The following NEBL variants were observed in gnomAD, a reference collection of about 807,000 sequenced individuals.
NEBL encodes the protein nebulette.
A neutral mutation model predicts 140.2 loss-of-function variants in NEBL; 122 were observed. The ratio of observed to expected loss-of-function variants is 0.87; its 90% confidence interval spans 0.75 to 1.01. NEBL has a LOEUF of 1.01. Among genes scored for constraint, NEBL ranks in the 50% least tolerant of loss-of-function variants. The probability of loss-of-function intolerance (pLI) is 0.00; values close to 1 mark genes in which losing one functional copy is unlikely to be tolerated. For missense variants in NEBL, 1,365 were observed against 1,231.3 expected, an observed-to-expected ratio of 1.11 and a Z score of -1.62; for synonymous variants, 436 against 398.9, an observed-to-expected ratio of 1.09 and a Z score of -1.11.
chr10:20,846,830 T>C (rs1275084824), intron 11 of NEBL, among the ~76,000 whole-genome samples: 5 of 151,950 alleles, frequency 3.3e-5, no homozygotes, highest in Non-Finnish European at 1.5e-5. Flanking sequence ...CGACTAGAAG[T>C]AGCCAAAATA....
intron 2 of NEBL, among the ~76,000 whole-genome samples, chr10:21,085,572 C>T (rs1480479248): frequency 6.6e-6 from 1 of 152,156 alleles, no homozygotes; most frequent in African/African-American, 2.4e-5. Flanking sequence ...GAGTTAGAGG[C>T]TGCAGTGAAC....
chr10:20,832,264 T>A (rs1588719063), intron 14 of NEBL, among the ~76,000 whole-genome samples: 1 of 152,230 alleles, frequency 6.6e-6, no homozygotes, highest in East Asian at 1.9e-4. Context: ...GATGCATGCA[T>A]CTTTTTTTCC....
chr10:21,007,713 GA>G (rs1589131224), intron 3 of NEBL, among the ~76,000 whole-genome samples: 1 of 152,052 alleles, frequency 6.6e-6, no homozygotes, highest in African/African-American at 2.4e-5. Flanking sequence ...TTAAATTAAT[GA>G]ACAAACTACA....
chr10:21,146,212 A>T, intron 2 of NEBL: 1 of 703,448 alleles, frequency 1.4e-6, no homozygotes, highest in South Asian at 2.2e-5. Context: ...AAGGAAGTTT[A>T]TTTCATGCAG....
Position 20,783,088 on chromosome 10 carries a change from C to T in NEBL, c.*2659G>A, listed in dbSNP as rs1027434380. 3 of 152,560 alleles carry T rather than the reference C, an allele frequency of 2.0e-5. No homozygotes were observed. The highest frequency in any genetic ancestry group is 4.4e-5 in the Non-Finnish European group (3 of 68,034). 9.5% of individuals were successfully genotyped at this position (152,560 alleles called of 1,614,324 possible). On this transcript the variant is annotated 3_prime_UTR_variant, in exon 28 of 28. Coordinates refer to ENST00000377122, the MANE Select transcript of NEBL (RefSeq NM_006393.3). Reference sequence around the variant, plus strand: ...ACTCAATTTTTAAAATCTTCTTTAGCTGTCAGCTTCATGCACGAGATACCT... The same window carrying T: ...ACTCAATTTTTAAAATCTTCTTTAGTTGTCAGCTTCATGCACGAGATACCT...
chr10:21,073,227 G>T (rs1835897641), intron 2 of NEBL, among the ~76,000 whole-genome samples: 3 of 152,032 alleles, frequency 2.0e-5, no homozygotes. Flanking sequence ...GGAGGCTGAA[G>T]CAGGGGGATC....
chr10:21,212,808 C>G (rs571175650), intron 3 of NEBL, among the ~76,000 whole-genome samples: 1 of 152,098 alleles, frequency 6.6e-6, no homozygotes, highest in African/African-American at 2.4e-5. Flanking sequence ...GCTTGACTAC[C>G]GTTCTCACTC....
chr10:21,175,760 T>C (rs1841284559), upstream of NEBL, among the ~76,000 whole-genome samples: 1 of 152,236 alleles, frequency 6.6e-6, no homozygotes, highest in Non-Finnish European at 1.5e-5. Context: ...TTAAAAATAT[T>C]TCAGAGCTCA....
intron 3 of NEBL, among the ~76,000 whole-genome samples, chr10:20,963,039 C>CACAT (rs1554813535): frequency 7.3e-5 from 11 of 150,308 alleles, no homozygotes; most frequent in African/African-American, 2.7e-4. Context: ...CACACACACA[C>CACAT]ACACACACGG....
rs186572135 is a variant in NEBL, at chr10:20,877,498, T to G, written c.480+3296A>C. 4.9e-3 allele frequency among the ~76,000 whole-genome samples: 753 copies of G among 152,330 alleles called. 7 individuals carry two copies. Among genetic ancestry groups the G allele is most frequent in the African/African-American group, 0.018 (732 of 41,574 alleles). ...GCAGCCCCGAAGTCTTTTTCTTTTC[T>G]AACAAAGAGCAGCCTGTAAAATCGA... On this transcript the variant is annotated intron_variant, in intron 5 of 27. Transcript: ENST00000377122.
intron 4 of NEBL, among the ~76,000 whole-genome samples, chr10:20,881,949 C>T (rs1216940524): frequency 6.6e-6 from 1 of 152,172 alleles, no homozygotes; most frequent in Non-Finnish European, 1.5e-5. Context: ...CTCAGTGGCT[C>T]ATGCCTGTAA....
At chr10:21,078,391 AT>A (rs1836202620) in intron 2 of NEBL, among the ~76,000 whole-genome samples, 1 of 152,254 alleles carries the variant, frequency 6.6e-6, no homozygotes, top group African/African-American at 2.4e-5. Context: ...AATACTCTAA[AT>A]AAAAAACAAA....
intron 4 of NEBL, among the ~76,000 whole-genome samples, chr10:20,955,150 G>A (rs1835729558): frequency 6.6e-6 from 1 of 152,148 alleles, no homozygotes; most frequent in African/African-American, 2.4e-5. Context: ...CTAAATTAGA[G>A]AGGTGACGAG....
At chr10:21,018,799 G>A (rs553873833) in intron 3 of NEBL, among the ~76,000 whole-genome samples, 30 of 152,292 alleles carry the variant, frequency 2.0e-4, no homozygotes, top group African/African-American at 7.2e-4. Context: ...GGAGGCCGAG[G>A]CAGGTGGATC....
At chr10:21,126,972 A>G (rs12241164) in intron 2 of NEBL, among the ~76,000 whole-genome samples, 1 of 120,370 alleles carries the variant, frequency 8.3e-6, no homozygotes, top group Non-Finnish European at 1.6e-5. Flanking sequence ...GAGACCCTGT[A>G]TCAAAAAAAA....
At chr10:21,037,094 C>T (rs909652593) in intron 2 of NEBL, among the ~76,000 whole-genome samples, 4 of 152,150 alleles carry the variant, frequency 2.6e-5, no homozygotes, top group African/African-American at 9.7e-5. Context: ...AAGTCTAAAA[C>T]CTACTCAGGA....
At chr10:20,814,300 T>C (rs1016686709) in intron 22 of NEBL, among the ~76,000 whole-genome samples, 13 of 152,102 alleles carry the variant, frequency 8.5e-5, no homozygotes, top group East Asian at 3.8e-4. Flanking sequence ...ACTATCTATC[T>C]AGTCTGTAAA....
At chr10:20,809,267 A>AT (rs370263195) in intron 25 of NEBL, among the ~76,000 whole-genome samples, 9 of 152,070 alleles carry the variant, frequency 5.9e-5, no homozygotes, top group African/African-American at 1.4e-4. Flanking sequence ...CCAACTATTC[A>AT]TTTTTTTGCC....
intron 2 of NEBL, among the ~76,000 whole-genome samples, chr10:21,045,494 G>T (rs1834468626): frequency 6.6e-6 from 1 of 152,116 alleles, no homozygotes; most frequent in Non-Finnish European, 1.5e-5. Flanking sequence ...CTCTGGTCAA[G>T]AAATAAAGGG....
Sources: allele counts gnomAD v4.1 joint callset (sites outside exome capture counted in the v4.1 genomes callset), GRCh38; gene constraint gnomAD v4.1.1; transcripts MANE v1.5; gene names NCBI Gene and HGNC (gene_info 2026-07-23, HGNC 2026-07-21).